The following REEP4 variants were observed in gnomAD, a reference collection of about 807,000 sequenced individuals.
REEP4 encodes receptor expression-enhancing protein 4.
In REEP4, 17 loss-of-function variants were observed where a neutral mutation model predicts 33.5. The observed-to-expected ratio is 0.51, with a 90% CI of 0.35 to 0.76. REEP4 has a LOEUF of 0.76. Among genes scored for constraint, REEP4 ranks in the 30% least tolerant of loss-of-function variants. REEP4 has a pLI of 0.01. For synonymous variants in REEP4, 157 were observed against 142.9 expected (o/e 1.10, Z -0.70); for missense variants, 340 against 357.9 (o/e 0.95, Z 0.40).
At position 22,140,078 on chromosome 8, in the gene REEP4, G is replaced by C. The variant is rs757706203; in HGVS notation, c.188C>G (p.Pro63Arg). Residue 63 changes from proline to arginine, a missense_variant, in exon 4 of 8, where the codon CCT becomes CGT. Coordinates refer to ENST00000306306, the MANE Select transcript of REEP4 (RefSeq NM_025232.4). ...GGCCATCTTGATCTCATAGTAGAAA[G>C]GGAACCTGTCACAGCACAAGGGGCA... Reference protein sequence around the residue: ...IVTDIFISWFPFYYEIKMAFV... With the variant: ...IVTDIFISWFRFYYEIKMAFV... 6.2e-7 allele frequency: 1 copy of C among 1,614,002 alleles called. No individual in the cohort carries two copies.
At position 22,140,697 on chromosome 8, in the gene REEP4, C is replaced by T. The variant is rs1210892416; in HGVS notation, c.33G>A (p.Val11=). Residue 11 remains valine, a splice_region_variant and synonymous_variant, in exon 2 of 8, where the codon GTG becomes GTA. Transcript: ENST00000306306. ...CTGGACACAGCATCCCAAACACCAG[C>T]CTGGAAGAGCAGCCATGGGGAGTGT... MVSWMICRLV[V]LVFGMLCPAY... The T allele has an allele frequency of 1.2e-6, 2 of 1,612,036 alleles. No homozygotes were observed. The highest frequency in any genetic ancestry group is 2.2e-5 in the South Asian group (2 of 90,810).
rs1160520601 is a variant in REEP4 at position 22,139,508 on chromosome 8, GCA to G, written c.323_324del (p.Val108AlafsTer53). Reference protein sequence around the residue: ...RHEKEIDAYIVQAKERSYETV... With the variant: ...RHEKEIDAYIXQAKERSYETV... ...GTCTCGTAGCTGCGCTCCTTGGCCT[GCA>G]CGATGTACGCGTCGATCTCCTGTGG... On this transcript the variant is annotated frameshift_variant, in exon 5 of 8. Transcript: ENST00000306306. LOFTEE classifies it high-confidence loss of function. 2.5e-6 allele frequency: 4 copies of G among 1,610,040 alleles called. No individual in the cohort carries two copies.
chr8:22,138,026 T>G lies in REEP4; in HGVS notation c.*461A>C. 1 of 384,028 alleles carries G rather than the reference T, an allele frequency of 2.6e-6. No individual in the cohort carries two copies. The highest frequency in any genetic ancestry group is 4.9e-6 in the Non-Finnish European group (1 of 204,010). The allele number at this position is 384,028 out of a possible 1,614,324, so 23.8% of individuals were successfully genotyped here. The stretch of plus-strand genomic sequence containing the variant: ...AAGAATCAGGAGAAACAGAGCCCCT[T>G]TATGTATTTATTTATCAAAACACTC... On this transcript the variant is annotated 3_prime_UTR_variant, in exon 8 of 8. Coordinates refer to ENST00000306306, the MANE Select transcript of REEP4 (RefSeq NM_025232.4).
chr8:22,138,507 G>GCACAGACGTGGA lies in REEP4; in HGVS notation c.753_754insTCCACGTCTGTG (p.Val251_Pro252insSerThrSerVal), dbSNP rs775236218. The stretch of plus-strand genomic sequence containing the variant: ...AGACCCTAGCTGTCCACGTCTGAGG[G>GCACAGACGTGGA]CACAGTCTTTTTCCTCGTCCGAACC... On this transcript the variant is annotated inframe_insertion, in exon 8 of 8. Transcript: ENST00000306306. 1,265 of 1,613,626 alleles carry GCACAGACGTGGA rather than the reference G, an allele frequency of 7.8e-4. 10 individuals are homozygous for GCACAGACGTGGA. The highest frequency in any genetic ancestry group is 3.6e-4 in the Non-Finnish European group (429 of 1,180,034).
Position 22,139,075 on chromosome 8 carries a change from G to C in REEP4, c.418-14C>G. On this transcript the variant is annotated splice_polypyrimidine_tract_variant and intron_variant, in intron 5 of 7. Transcript: ENST00000306306. Reference sequence around the variant, plus strand: ...CGCCCCCTGACTCTGCGAGGGGGAAGAGGCTTCAGCGGGGAGGCTGCCCAG... The same window carrying C: ...CGCCCCCTGACTCTGCGAGGGGGAACAGGCTTCAGCGGGGAGGCTGCCCAG... The C allele has an allele frequency of 6.4e-7, 1 of 1,564,552 alleles. No homozygotes were observed. The highest frequency in any genetic ancestry group is 8.6e-7 in the Non-Finnish European group (1 of 1,156,158).
chr8:22,140,709 G>A lies in REEP4; in HGVS notation c.33-12C>T, dbSNP rs1827216186. ...TCCCAAACACCAGCCTGGAAGAGCA[G>A]CCATGGGGAGTGTGAGGGGCACCAT... is the stretch of plus-strand genomic sequence containing the variant. On this transcript the variant is annotated splice_polypyrimidine_tract_variant and intron_variant, in intron 1 of 7. Transcript: ENST00000306306. The A allele has an allele frequency of 6.2e-7, 1 of 1,608,322 alleles. No homozygotes were observed. The highest frequency in any genetic ancestry group is 1.1e-5 in the South Asian group (1 of 90,278).
At chr8:22,141,286 G>A (rs1411779957) in intron 1 of REEP4, among the ~76,000 whole-genome samples, 165 bp downstream of exon 1, 2 of 152,254 alleles carry the variant, frequency 1.3e-5, no homozygotes, top group East Asian at 3.9e-4. Context: ...GTAGCCTGCG[G>A]TGCCCCAGAC....
chr8:22,141,159 T>C (rs929911087), intron 1 of REEP4, among the ~76,000 whole-genome samples: 2 of 152,262 alleles, frequency 1.3e-5, no homozygotes, highest in Non-Finnish European at 1.5e-5. Flanking sequence ...CCATATCACC[T>C]TGTGTTTGCC....
In REEP4 at chr8:22,138,040, A is replaced by C; in HGVS notation, c.*447T>G. On this transcript the variant is annotated 3_prime_UTR_variant, in exon 8 of 8. Transcript: ENST00000306306. ...ACAGAGCCCCTTTATGTATTTATTT[A>C]TCAAAACACTCGCAAACCTGACCTC... The C allele has an allele frequency of 2.3e-6, 1 of 433,178 alleles. No individual in the cohort carries two copies. Among genetic ancestry groups the C allele is most frequent in the South Asian group, 2.6e-5 (1 of 38,364 alleles). The allele number at this position is 433,178 out of a possible 1,614,324, so 26.8% of individuals were successfully genotyped here. A position where few individuals can be genotyped will look rare whatever the true frequency, so the allele number is the denominator to read the frequency against.
At position 22,138,137 on chromosome 8, in the gene REEP4, A is replaced by C; in HGVS notation, c.*350T>G. 3.4e-6 allele frequency: 2 copies of C among 591,586 alleles called. No homozygotes were observed. Among genetic ancestry groups the C allele is most frequent in the East Asian group, 5.6e-5 (2 of 35,864 alleles). The allele number at this position is 591,586 out of a possible 1,614,324, so 36.6% of individuals were successfully genotyped here. A position where few individuals can be genotyped will look rare whatever the true frequency, so the allele number is the denominator to read the frequency against. ...TATGAAAGGCTATCAAGTACTTTGA[A>C]GGACAGGAAGGAATGAACACACCCA... On this transcript the variant is annotated 3_prime_UTR_variant, in exon 8 of 8. Transcript: ENST00000306306.
rs1253535730 is a variant in REEP4 at position 22,141,438 on chromosome 8, C to T, written c.32+13G>A. On this transcript the variant is annotated intron_variant, in intron 1 of 7. Coordinates refer to ENST00000306306, the MANE Select transcript of REEP4 (RefSeq NM_025232.4). Reference sequence around the variant, plus strand: ...CCCCGGGGTAGAGGAGGTCTGAGGGCGGCCATACTCACACCACCAGGCGAC... The same window carrying T: ...CCCCGGGGTAGAGGAGGTCTGAGGGTGGCCATACTCACACCACCAGGCGAC... 5.0e-6 allele frequency: 8 copies of T among 1,600,616 alleles called. No individual in the cohort carries two copies. The East Asian group carries it at 6.9e-5, about 14-fold the overall frequency.
chr8:22,138,073 A>AAC lies in REEP4; in HGVS notation c.*412_*413dup, dbSNP rs932866468. ...ACTCGCAAACCTGACCTCACTCACC[A>AAC]ACACACACACACACAACCAGGACAC... On this transcript the variant is annotated 3_prime_UTR_variant, in exon 8 of 8. Transcript: ENST00000306306. The AAC allele has an allele frequency of 4.5e-5, 23 of 511,268 alleles. No homozygotes were observed. Among genetic ancestry groups the AAC allele is most frequent in the South Asian group, 7.2e-5 (3 of 41,524 alleles). 31.7% of individuals were successfully genotyped at this position (511,268 alleles called of 1,614,324 possible). A position where few individuals can be genotyped will look rare whatever the true frequency, so the allele number is the denominator to read the frequency against.
rs149922457 is a variant in REEP4, at chr8:22,141,200, G to A, written c.32+251C>T. ...GCAGCAAGGTAGGCCTGTGGCCCTC[G>A]GCTCCACGCATCTGTTTGCAGTGTG... On this transcript the variant is annotated intron_variant, in intron 1 of 7. Transcript: ENST00000306306. Among the ~76,000 whole-genome samples, 1,220 of 152,378 alleles carry A rather than the reference G, an allele frequency of 8.0e-3. 13 individuals carry two copies. Among genetic ancestry groups the A allele is most frequent in the African/African-American group, 0.027 (1,112 of 41,586 alleles).
chr8:22,139,099 A>G lies in REEP4; in HGVS notation c.418-38T>C, dbSNP rs1004898474. 4 of 1,561,970 alleles carry G rather than the reference A, an allele frequency of 2.6e-6. No homozygotes were observed. In the African/African-American group the frequency reaches 5.4e-5, roughly 21 times the overall value. On this transcript the variant is annotated intron_variant, in intron 5 of 7. Coordinates refer to ENST00000306306, the MANE Select transcript of REEP4 (RefSeq NM_025232.4). ...AGAGGCTTCAGCGGGGAGGCTGCCCAGGGATATTGGCCAACCAGCTAATCA... is the reference window on the plus strand; with the variant it reads ...AGAGGCTTCAGCGGGGAGGCTGCCCGGGGATATTGGCCAACCAGCTAATCA...
In REEP4 at chr8:22,138,629, C is replaced by T. The variant is rs1032990707; in HGVS notation, c.708+10G>A. ...AGCCCTCCTCCCTCCTGTCGTCCTC[C>T]CACACTGACCTCCCGCACCGGTGGC... On this transcript the variant is annotated intron_variant, in intron 7 of 7. Coordinates refer to ENST00000306306, the MANE Select transcript of REEP4 (RefSeq NM_025232.4). 6.2e-7 allele frequency: 1 copy of T among 1,613,976 alleles called. No individual in the cohort carries two copies. The highest frequency in any genetic ancestry group is 8.5e-7 in the Non-Finnish European group (1 of 1,180,022).
At position 22,138,403 on chromosome 8, in the gene REEP4, G is replaced by A; in HGVS notation, c.*84C>T. On this transcript the variant is annotated 3_prime_UTR_variant, in exon 8 of 8. Transcript: ENST00000306306. ...GGGCCCAGGCAGCTGGTGCAGGCAG[G>A]CCAGATGTGCAGCCCAAGGTCCCTC... 3 of 1,511,222 alleles carry A rather than the reference G, an allele frequency of 2.0e-6. No homozygotes were observed. The highest frequency in any genetic ancestry group is 2.7e-6 in the Non-Finnish European group (3 of 1,097,526). The allele number at this position is 1,511,222 out of a possible 1,614,324, so 93.6% of individuals were successfully genotyped here. A position where few individuals can be genotyped will look rare whatever the true frequency, so the allele number is the denominator to read the frequency against.
Position 22,139,395 on chromosome 8 carries a change from A to T in REEP4, c.417+21T>A, listed in dbSNP as rs1827187790. 1.9e-6 allele frequency: 3 copies of T among 1,578,432 alleles called. No homozygotes were observed. In the East Asian group the frequency reaches 6.7e-5, roughly 35 times the overall value. ...TTAGGGGTGGGATGGGGGCTGCTGG[A>T]GGGCTGGGGGCCCAGAGCACCTTGG... On this transcript the variant is annotated intron_variant, in intron 5 of 7. Coordinates refer to ENST00000306306, the MANE Select transcript of REEP4 (RefSeq NM_025232.4).
chr8:22,140,126 G>A (rs142774048), intron 3 of REEP4, 43 bp from the exon 4 acceptor site: 64 of 1,613,760 alleles, frequency 4.0e-5, no homozygotes, highest in South Asian at 3.6e-4. Context: ...GAGCAGGGCT[G>A]GGGGGGCCAC....
In REEP4 at chr8:22,141,523, G is replaced by T; in HGVS notation, c.-41C>A. The T allele has an allele frequency of 6.3e-7, 1 of 1,580,882 alleles. No individual in the cohort carries two copies. Among genetic ancestry groups the T allele is most frequent in the Non-Finnish European group, 8.6e-7 (1 of 1,164,764 alleles). On this transcript the variant is annotated 5_prime_UTR_variant, in exon 1 of 8. Transcript: ENST00000306306. The stretch of plus-strand genomic sequence containing the variant: ...GACGTGGGGAGGACCCCAGGAAGCC[G>T]CTCAGAAGGACGTTCACTCAAGGGC...
Sources: allele counts gnomAD v4.1 joint callset (sites outside exome capture counted in the v4.1 genomes callset), GRCh38; gene constraint gnomAD v4.1.1; transcripts MANE v1.5; gene names NCBI Gene and HGNC (gene_info 2026-07-23, HGNC 2026-07-21).